CNTN5: variants seen among roughly 807,000 people sequenced by gnomAD.
The protein encoded by CNTN5 is contactin 5, also known as contactin-5.
In CNTN5, 77 loss-of-function variants were observed where a neutral mutation model predicts 129.1. That is an observed-to-expected ratio of 0.60 (90% confidence interval 0.50 to 0.72). The LOEUF (loss-of-function observed/expected upper bound fraction) is 0.72. CNTN5 is among the 30% of genes least tolerant of loss of function. The pLI is 0.00. For missense variants in CNTN5, 1,478 were observed against 1,328.8 expected (o/e 1.11, Z -1.75); for synonymous variants, 509 against 465.6 (o/e 1.09, Z -1.20).
intron 3 of CNTN5, among the ~76,000 whole-genome samples, chr11:99,694,066 A>C (rs541261878): frequency 6.6e-6 from 1 of 152,254 alleles, no homozygotes; most frequent in South Asian, 2.1e-4. Flanking sequence ...TGTTGCCGAG[A>C]ACCATAAGTA....
At chr11:99,059,764 GT>G (rs1184785310) in intron 1 of CNTN5, among the ~76,000 whole-genome samples, 2 of 152,024 alleles carry the variant, frequency 1.3e-5, no homozygotes, top group African/African-American at 4.8e-5. Context: ...AGACTCCAGT[GT>G]GGTTATTTTC....
chr11:99,316,189 A>C (rs903936977), intron 1 of CNTN5, among the ~76,000 whole-genome samples: 10 of 138,114 alleles, frequency 7.2e-5, no homozygotes, highest in African/African-American at 3.5e-4. Flanking sequence ...CTGATAAAAT[A>C]GTTAGTTAAT....
At chr11:99,282,894 A>C (rs1863762415) in intron 1 of CNTN5, among the ~76,000 whole-genome samples, 2 of 152,190 alleles carry the variant, frequency 1.3e-5, no homozygotes, top group South Asian at 4.1e-4. Context: ...TGGCCATTAG[A>C]TGGCTATAGT....
At chr11:100,052,433 A>G (rs778601874) in intron 9 of CNTN5, among the ~76,000 whole-genome samples, 1 of 151,784 alleles carries the variant, frequency 6.6e-6, no homozygotes, top group Non-Finnish European at 1.5e-5. Context: ...GGTGGCATAA[A>G]TGTGTATGTG....
intron 13 of CNTN5, among the ~76,000 whole-genome samples, chr11:100,107,873 C>G (rs1329779879): frequency 6.6e-6 from 1 of 151,670 alleles, no homozygotes; most frequent in Non-Finnish European, 1.5e-5. Context: ...TGTGTGTGTG[C>G]TTAATATCAA....
chr11:100,287,114 A>G (rs537470498), intron 18 of CNTN5, among the ~76,000 whole-genome samples: 6 of 152,328 alleles, frequency 3.9e-5, no homozygotes, highest in African/African-American at 1.4e-4. Flanking sequence ...ATGTGAAAAG[A>G]CCAAATCTAC....
At chr11:99,955,159 A>C in intron 7 of CNTN5, among the ~76,000 whole-genome samples, 1 of 150,994 alleles carries the variant, frequency 6.6e-6, no homozygotes, top group Admixed American at 6.6e-5. Context: ...TTAGTAAATT[A>C]TCTAAAATAA....
Position 99,291,907 on chromosome 11 carries a change from G to T in CNTN5, c.-209-33439G>T, listed in dbSNP as rs530855728. Among the ~76,000 whole-genome samples the T allele has an allele frequency of 6.6e-5, 10 of 152,102 alleles. No homozygotes were observed. In the South Asian group the frequency reaches 2.1e-3, roughly 31 times the overall value. ...TGAGAAGAAAGAATGCAAATAAGTG[G>T]CAATACTTAAAATTTGAATCATGCT... is the stretch of plus-strand genomic sequence containing the variant. On this transcript the variant is annotated intron_variant, in intron 1 of 24. Coordinates refer to ENST00000524871, the MANE Select transcript of CNTN5 (RefSeq NM_014361.4).
At chr11:99,107,013 C>T (rs1867027792) in intron 1 of CNTN5, among the ~76,000 whole-genome samples, 1 of 152,034 alleles carries the variant, frequency 6.6e-6, no homozygotes, top group African/African-American at 2.4e-5. Context: ...AACTGAAGAA[C>T]AAAAATGTCA....
intron 7 of CNTN5, among the ~76,000 whole-genome samples, chr11:99,945,287 T>C (rs1291431592): frequency 6.6e-6 from 1 of 152,066 alleles, no homozygotes; most frequent in African/African-American, 2.4e-5. Flanking sequence ...GATATTTTAG[T>C]TCTGCATAAT....
chr11:99,130,731 T>C (rs1285628393), intron 1 of CNTN5, among the ~76,000 whole-genome samples: 2 of 152,028 alleles, frequency 1.3e-5, no homozygotes, highest in African/African-American at 4.8e-5. Flanking sequence ...CCTCACCAAA[T>C]GCAAAACAAC....
Position 99,342,660 on chromosome 11 carries a change from C to T in CNTN5, c.-71+17176C>T, listed in dbSNP as rs1591547336. On this transcript the variant is annotated intron_variant, in intron 2 of 24. Coordinates refer to ENST00000524871, the MANE Select transcript of CNTN5 (RefSeq NM_014361.4). ...GCTAAGCAGCTAAGGTGGGCAGGAT[C>T]CCAGGAGATGGAGGTTGTGGTGATA... Among the ~76,000 whole-genome samples the T allele has an allele frequency of 2.0e-5, 3 of 147,356 alleles. No individual in the cohort carries two copies. The East Asian group carries it at 6.0e-4, about 29-fold the overall frequency.
chr11:100,174,558 G>A (rs183422113), intron 13 of CNTN5, among the ~76,000 whole-genome samples: 1 of 152,192 alleles, frequency 6.6e-6, no homozygotes, highest in East Asian at 1.9e-4. Flanking sequence ...CAAAAAGATT[G>A]AGTGTAGCTC....
chr11:99,089,201 T>C (rs909594859), intron 1 of CNTN5, among the ~76,000 whole-genome samples: 4 of 152,260 alleles, frequency 2.6e-5, no homozygotes, highest in South Asian at 4.1e-4. Flanking sequence ...AACATAAAAC[T>C]AATTGTAATT....
chr11:100,119,287 T>C (rs953884157), intron 13 of CNTN5, among the ~76,000 whole-genome samples: 1 of 151,912 alleles, frequency 6.6e-6, no homozygotes, highest in African/African-American at 2.4e-5. Context: ...GATCAATTTG[T>C]CCATGGTTAT....
chr11:99,236,875 C>T (rs1336371198), intron 1 of CNTN5, among the ~76,000 whole-genome samples: 1 of 151,438 alleles, frequency 6.6e-6, no homozygotes, highest in Non-Finnish European at 1.5e-5. Flanking sequence ...CGGAGTCTGC[C>T]CAGTGCATTT....
chr11:99,147,387 A>T (rs965899100), intron 1 of CNTN5, among the ~76,000 whole-genome samples: 1 of 152,196 alleles, frequency 6.6e-6, no homozygotes, highest in Non-Finnish European at 1.5e-5. Flanking sequence ...TGGTGTCATT[A>T]AGAGAAAAGA....
intron 4 of CNTN5, among the ~76,000 whole-genome samples, chr11:99,826,230 T>A (rs1946953355): frequency 6.6e-6 from 1 of 152,164 alleles, no homozygotes; most frequent in African/African-American, 2.4e-5. Context: ...AAGGAAGTAT[T>A]TTTATTATGT....
chr11:99,129,811 A>G (rs1858840020), intron 1 of CNTN5, among the ~76,000 whole-genome samples: 1 of 152,202 alleles, frequency 6.6e-6, no homozygotes, highest in African/African-American at 2.4e-5. Flanking sequence ...CCAATATTCA[A>G]TATCCTTGAA....
Sources: allele counts gnomAD v4.1 joint callset (sites outside exome capture counted in the v4.1 genomes callset), GRCh38; gene constraint gnomAD v4.1.1; transcripts MANE v1.5; gene names NCBI Gene and HGNC (gene_info 2026-07-23, HGNC 2026-07-21).